ABL1: variants seen among roughly 807,000 people sequenced by gnomAD.
ABL1 encodes the protein ABL proto-oncogene 1, non-receptor tyrosine kinase, also known as tyrosine-protein kinase ABL1.
Under a neutral mutation model 94.7 loss-of-function variants are expected in ABL1, and 11 were observed. The observed-to-expected ratio is 0.12, with a 90% CI of 0.07 to 0.19. The LOEUF is 0.19. Among genes scored for constraint, ABL1 ranks in the 10% least tolerant of loss-of-function variants. The pLI is 1.00. For missense variants in ABL1, 1,082 were observed against 1,489.4 expected (o/e 0.73, Z 4.50); for synonymous variants, 656 against 622.4 (o/e 1.05, Z -0.80).
At chr9:130,869,390 A>G (rs1831213935) in intron 4 of ABL1, among the ~76,000 whole-genome samples, 1 of 152,246 alleles carries the variant, frequency 6.6e-6, no homozygotes, top group Admixed American at 6.5e-5. Context: ...CTCTGTGCAC[A>G]AGGGAGATAC....
chr9:130,884,850 A>C lies in ABL1; in HGVS notation c.2560A>C (p.Thr854Pro), dbSNP rs768751299. ...TPAAAEPVTP[T>P]SKAGSGAPGG... The stretch of plus-strand genomic sequence containing the variant: ...TGCTGCAGCTGAGCCAGTGACCCCC[A>C]CCAGCAAAGCAGGCTCAGGTGCACC... Residue 854 changes from threonine to proline, a missense_variant, in exon 11 of 11, where the codon ACC becomes CCC. Thr to Pro is a conservative substitution (Grantham distance 38). Transcript: ENST00000318560. The surrounding 1 kb of genome is among the most constrained non-coding windows in gnomAD (Gnocchi z 5.6). 1.2e-6 allele frequency: 2 copies of C among 1,605,676 alleles called. No homozygotes were observed. Among genetic ancestry groups the C allele is most frequent in the Non-Finnish European group, 1.7e-6 (2 of 1,175,680 alleles).
In ABL1 at chr9:130,718,249, A is replaced by AC. The variant is rs1831470198; in HGVS notation, c.136+3794_136+3795insC. Among the ~76,000 whole-genome samples, 3 of 149,552 alleles carry AC rather than the reference A, an allele frequency of 2.0e-5. No individual in the cohort carries two copies. The South Asian group carries it at 6.4e-4, about 32-fold the overall frequency. ...AGGAGAATATCTTGAGCCCCGGGGG[A>AC]AGAGGTTGCAGTGACCTGAGATCGC... On this transcript the variant is annotated intron_variant, in intron 1 of 10. Coordinates refer to the ABL1 transcript ENST00000372348.
At chr9:130,731,327 G>T (rs1006119445) in intron 1 of ABL1, among the ~76,000 whole-genome samples, 2 of 151,994 alleles carry the variant, frequency 1.3e-5, no homozygotes, top group Non-Finnish European at 2.9e-5. Context: ...TCTCTTAATG[G>T]TGTCTTTGAT....
chr9:130,793,899 G>A (rs1486634631), intron 1 of ABL1, among the ~76,000 whole-genome samples: 1 of 152,172 alleles, frequency 6.6e-6, no homozygotes, highest in East Asian at 1.9e-4. Flanking sequence ...ATTGTGAACA[G>A]TACATGCGAT....
chr9:130,875,462 T>TA (rs1426357881), intron 7 of ABL1, among the ~76,000 whole-genome samples: 2 of 148,040 alleles, frequency 1.4e-5, no homozygotes, highest in South Asian at 2.1e-4. Flanking sequence ...TTTTTTTTTT[T>TA]AACTGTGTAT....
At position 130,863,683 on chromosome 9, in the gene ABL1, C is replaced by G. The variant is rs1023414749; in HGVS notation, c.822+648C>G. On this transcript the variant is annotated intron_variant, in intron 4 of 10. Transcript: ENST00000318560. This position sits in a 1 kb window ranked among gnomAD's most constrained non-coding sequence, Gnocchi z 4.3. ...TAGTTTCCAGGCAGGTTTTTTTCTT[C>G]TTTTGAAGTTCTTTGAAACCCTTAG... 1.3e-5 allele frequency among the ~76,000 whole-genome samples: 2 copies of G among 152,100 alleles called. No homozygotes were observed. Among genetic ancestry groups the G allele is most frequent in the African/African-American group, 4.8e-5 (2 of 41,428 alleles).
chr9:130,860,411 C>T (rs1424955617), intron 3 of ABL1, among the ~76,000 whole-genome samples: 1 of 152,210 alleles, frequency 6.6e-6, no homozygotes, highest in Non-Finnish European at 1.5e-5. Flanking sequence ...CCTCCTGTAA[C>T]TGAAGTCTCT....
intron 1 of ABL1, among the ~76,000 whole-genome samples, chr9:130,735,963 T>TATATATATA (rs1554757978): frequency 3.7e-4 from 29 of 77,974 alleles, no homozygotes; most frequent in African/African-American, 1.5e-3. Flanking sequence ...ATATATATAT[T>TATATATATA]TTTTTTTTTT....
chr9:130,843,933 G>A (rs772279202), intron 1 of ABL1, among the ~76,000 whole-genome samples: 3 of 152,098 alleles, frequency 2.0e-5, no homozygotes, highest in Non-Finnish European at 2.9e-5. Context: ...AGTGGTGGAA[G>A]GAATAACAAC....
At chr9:130,878,286 A>G in intron 7 of ABL1, 129 bp from the exon 8 acceptor site, 5 of 1,108,504 alleles carry the variant, frequency 4.5e-6, no homozygotes, top group East Asian at 2.4e-5. Context: ...AGCCTGGTAA[A>G]ATGTCAGAGC....
chr9:130,801,670 GTTGTGTCTTT>G (rs1244527462), intron 1 of ABL1, among the ~76,000 whole-genome samples: 1 of 152,170 alleles, frequency 6.6e-6, no homozygotes, highest in Non-Finnish European at 1.5e-5. Flanking sequence ...TTAGTTTTGG[GTTGTGTCTTT>G]TTGTTGTTGG....
rs554873764 is a variant in ABL1, at chr9:130,762,721, C to T, written c.136+48266C>T. 2.0e-5 allele frequency among the ~76,000 whole-genome samples: 3 copies of T among 152,106 alleles called. No homozygotes were observed. The South Asian group carries it at 6.2e-4, about 32-fold the overall frequency. ...AGTCAGGAGATCGAGACCATCCTGG[C>T]TAACACGGTGAAACCCCTTCTCTAC... On this transcript the variant is annotated intron_variant, in intron 1 of 10. Coordinates refer to the ABL1 transcript ENST00000372348.
Position 130,860,983 on chromosome 9 carries a change from G to A in ABL1, c.550-1780G>A, listed in dbSNP as rs182873658. Among the ~76,000 whole-genome samples, 859 of 152,286 alleles carry A rather than the reference G, an allele frequency of 5.6e-3. 9 individuals are homozygous for A. The highest frequency in any genetic ancestry group is 0.02 in the African/African-American group (816 of 41,550). ...GCTAACGGCAGCCCTCAGCGGTGCC[G>A]ACTTCCGCTCCCCGACACATTCCTG... On this transcript the variant is annotated intron_variant, in intron 3 of 10. Coordinates refer to ENST00000318560, the MANE Select transcript of ABL1 (RefSeq NM_005157.6).
At chr9:130,741,256 AC>A in intron 1 of ABL1, among the ~76,000 whole-genome samples, 5 of 151,988 alleles carry the variant, frequency 3.3e-5, no homozygotes, top group African/African-American at 1.2e-4. Flanking sequence ...GCCACAGCAG[AC>A]CCATGGTCGA....
At chr9:130,775,696 GA>G (rs940758405) in intron 1 of ABL1, among the ~76,000 whole-genome samples, 1 of 151,566 alleles carries the variant, frequency 6.6e-6, no homozygotes, top group African/African-American at 2.4e-5. Context: ...CAAGAATAGT[GA>G]AAAACAAGAA....
intron 1 of ABL1, among the ~76,000 whole-genome samples, chr9:130,777,546 A>T (rs60461765): frequency 1.5e-5 from 2 of 136,174 alleles, no homozygotes; most frequent in South Asian, 5.0e-4. Flanking sequence ...GGACGCTGAC[A>T]CACTGCATTG....
rs185209149 is a variant in ABL1, at chr9:130,855,138, G to A, written c.549+42G>A. On this transcript the variant is annotated intron_variant, in intron 3 of 10. Transcript: ENST00000318560. ...AGGGGGCGCTGATGGGCCCAGGGCA[G>A]GGGAACCAGAGGTCCTGCTGTCGGA... is the stretch of plus-strand genomic sequence containing the variant. The A allele has an allele frequency of 8.4e-5, 132 of 1,565,292 alleles. 1 individual carries two copies. The South Asian group carries it at 1.2e-3, about 14-fold the overall frequency.
Position 130,760,242 on chromosome 9 carries a change from T to C in ABL1, c.136+45787T>C, listed in dbSNP as rs533957606. Among the ~76,000 whole-genome samples the C allele has an allele frequency of 5.3e-5, 8 of 152,284 alleles. No individual in the cohort carries two copies. In the South Asian group the frequency reaches 1.7e-3, roughly 32 times the overall value. On this transcript the variant is annotated intron_variant, in intron 1 of 10. Coordinates refer to the ABL1 transcript ENST00000372348. ...GTGCTGTTGGGATGTCATTTTGCTG[T>C]ACCAAGGGTAAACAGTAGCTCCCTC...
chr9:130,746,679 T>G (rs918743294), intron 1 of ABL1, among the ~76,000 whole-genome samples: 8 of 152,084 alleles, frequency 5.3e-5, no homozygotes, highest in African/African-American at 1.9e-4. Context: ...TTCATTCATC[T>G]GTTGAGGATG....
Sources: gnomAD v4.1 joint callset for allele counts (sites outside exome capture counted in the v4.1 genomes callset) on GRCh38, gnomAD v4.1.1 for gene constraint, Gnocchi (gnomAD v3.1) non-coding constraint, MANE v1.5 for transcripts, NCBI Gene and HGNC (gene_info 2026-07-23, HGNC 2026-07-21) for gene names.